RNF170: variants seen among roughly 807,000 people sequenced by gnomAD.
The protein encoded by RNF170 is E3 ubiquitin-protein ligase RNF170.
Under a neutral mutation model 32.7 loss-of-function variants are expected in RNF170, and 12 were observed. The observed-to-expected ratio is 0.37, with a 90% CI of 0.24 to 0.60. RNF170 has a LOEUF of 0.60. Ranked by LOEUF, RNF170 falls within the 20% of genes least tolerant of loss-of-function variation. The pLI is 0.72. For synonymous variants in RNF170, 91 were observed against 103.6 expected (o/e 0.88, Z 0.74); for missense variants, 212 against 311.2 (o/e 0.68, Z 2.40).
At chr8:42,886,995 A>T (rs1422086341) in intron 2 of RNF170, among the ~76,000 whole-genome samples, 1 of 151,938 alleles carries the variant, frequency 6.6e-6, no homozygotes, top group African/African-American at 2.4e-5. Context: ...CTCTACAAAA[A>T]AATACAAAAA....
At chr8:42,888,006 T>G (rs764916212) in intron 1 of RNF170, 135 bp from the exon 2 acceptor site, 1 of 734,176 alleles carries the variant, frequency 1.4e-6, no homozygotes, top group Non-Finnish European at 2.3e-6. Context: ...ACAACTCCAG[T>G]GGGGACTGAT....
chr8:42,870,003 CCA>C lies in RNF170; in HGVS notation c.321_322del (p.Cys107TrpfsTer23), dbSNP rs1459190313. On this transcript the variant is annotated frameshift_variant and splice_region_variant, in exon 4 of 7. Transcript: ENST00000527424. LOFTEE classifies it high-confidence loss of function. ...TCCCAAGTATAGCGTTGTTTGCTTA[CCA>C]CAAAAAAGATGTCCACAGTTGGTCT... is the stretch of plus-strand genomic sequence containing the variant. The C allele has an allele frequency of 6.2e-7, 1 of 1,609,578 alleles. No individual in the cohort carries two copies. The highest frequency in any genetic ancestry group is 8.5e-7 in the Non-Finnish European group (1 of 1,175,912).
chr8:42,883,000 T>C (rs979546381), intron 2 of RNF170, among the ~76,000 whole-genome samples: 8 of 151,766 alleles, frequency 5.3e-5, no homozygotes, highest in African/African-American at 1.7e-4. Context: ...GGGGCGAAGG[T>C]TGCAGTGAGA....
intron 5 of RNF170, among the ~76,000 whole-genome samples, chr8:42,862,905 C>T (rs74921705): frequency 0.031 from 4,754 of 152,238 alleles, 106 homozygotes; most frequent in Non-Finnish European, 0.049. Context: ...AAGACCTGGC[C>T]GACAGCCTTA....
downstream of RNF170, among the ~76,000 whole-genome samples, chr8:42,852,474 A>C (rs563902331): frequency 6.6e-6 from 1 of 151,674 alleles, no homozygotes; most frequent in Non-Finnish European, 1.5e-5. Flanking sequence ...CTGGAGTGCA[A>C]TGGCATGATC....
chr8:42,893,437 G>C (rs369500557), intron 1 of RNF170, among the ~76,000 whole-genome samples: 2 of 152,178 alleles, frequency 1.3e-5, no homozygotes, highest in East Asian at 3.8e-4. Flanking sequence ...TCTTCAGACA[G>C]CAAACAAGCA....
chr8:42,863,667 CTT>C (rs892442418), intron 5 of RNF170, among the ~76,000 whole-genome samples: 3 of 152,198 alleles, frequency 2.0e-5, no homozygotes, highest in Non-Finnish European at 4.4e-5. Context: ...GTCTTGATCT[CTT>C]GACCTTGTGA....
intron 2 of RNF170, among the ~76,000 whole-genome samples, chr8:42,877,087 C>A (rs562911269): frequency 1.5e-4 from 22 of 149,188 alleles, no homozygotes; most frequent in African/African-American, 5.4e-4. Context: ...CCGAGTAGCC[C>A]GGCTAATTTT....
intron 1 of RNF170, among the ~76,000 whole-genome samples, chr8:42,895,089 C>T (rs1275258688): frequency 2.0e-5 from 3 of 151,858 alleles, no homozygotes; most frequent in African/African-American, 7.2e-5. Context: ...CTAAGGCGGG[C>T]GGATCACTTG....
rs368307949 is a variant in RNF170, at chr8:42,887,693, C to T, written c.137+35G>A. On this transcript the variant is annotated intron_variant, in intron 2 of 6. Transcript: ENST00000527424. ...GGGGTCAAAAAGTCAGCAGCCCTTG[C>T]AAATCTACTCAATTCTTTTGTCCTT... 1.9e-6 allele frequency: 3 copies of T among 1,610,492 alleles called. No homozygotes were observed. The African/African-American group carries it at 4.0e-5, about 22-fold the overall frequency.
At chr8:42,863,975 G>GAGA (rs1363106435) in intron 5 of RNF170, among the ~76,000 whole-genome samples, 1 of 113,386 alleles carries the variant, frequency 8.8e-6, no homozygotes, top group Non-Finnish European at 1.9e-5. Context: ...GAGAGAGAGA[G>GAGA]AGAGAGTGTG....
At position 42,896,346 on chromosome 8, in the gene RNF170, C is replaced by T. The variant is rs1464707926; in HGVS notation, c.-8+138G>A. ...TGGGGCTTCCAGACGAGGGAGGGGC[C>T]CGGGGGGAAGGAGGCGGCGACTCCC... On this transcript the variant is annotated intron_variant, in intron 1 of 6. Transcript: ENST00000527424. 3 of 412,830 alleles carry T rather than the reference C, an allele frequency of 7.3e-6. No individual in the cohort carries two copies. In the Admixed American group the frequency reaches 8.2e-5, roughly 11 times the overall value. The allele number at this position is 412,830 out of a possible 1,614,324, so 25.6% of individuals were successfully genotyped here. A position where few individuals can be genotyped will look rare whatever the true frequency, so the allele number is the denominator to read the frequency against.
At chr8:42,853,288 A>T (rs1394576033), downstream of RNF170, 1 of 1,137,598 alleles carries the variant, frequency 8.8e-7, no homozygotes, top group African/African-American at 1.6e-5. Flanking sequence ...ACAGAAAAAT[A>T]ACACCTTTAA....
intron 1 of RNF170, chr8:42,889,320 AG>A (rs948846319): frequency 6.6e-6 from 1 of 152,198 alleles, no homozygotes; most frequent in African/African-American, 2.4e-5. Flanking sequence ...TATAGGTATG[AG>A]GGGAGATAGC....
intron 2 of RNF170, among the ~76,000 whole-genome samples, chr8:42,879,316 A>C (rs1191771834): frequency 2.0e-5 from 3 of 152,186 alleles, no homozygotes; most frequent in African/African-American, 7.2e-5. Flanking sequence ...GAATCAATTG[A>C]AACCTTCTGG....
At chr8:42,883,132 T>C (rs1255715199) in intron 2 of RNF170, among the ~76,000 whole-genome samples, 1 of 151,538 alleles carries the variant, frequency 6.6e-6, no homozygotes, top group Non-Finnish European at 1.5e-5. Flanking sequence ...ATGGAAATAA[T>C]AGACATCAGG....
intron 6 of RNF170, among the ~76,000 whole-genome samples, chr8:42,859,149 A>G (rs1432368433): frequency 1.3e-5 from 2 of 151,880 alleles, no homozygotes; most frequent in Non-Finnish European, 2.9e-5. Context: ...GCACCACCGC[A>G]CTCGAGCCTG....
At chr8:42,890,045 TAA>T (rs1426780011) in intron 1 of RNF170, among the ~76,000 whole-genome samples, 4 of 152,150 alleles carry the variant, frequency 2.6e-5, no homozygotes, top group African/African-American at 9.7e-5. Context: ...CTTTGTAAGT[TAA>T]GTCTATCAAC....
intron 2 of RNF170, among the ~76,000 whole-genome samples, chr8:42,885,955 G>C (rs1267763946): frequency 1.3e-5 from 2 of 152,084 alleles, no homozygotes; most frequent in Non-Finnish European, 2.9e-5. Flanking sequence ...AGGCACGGTG[G>C]CTCACGCCTG....
Sources: gnomAD v4.1 joint callset for allele counts (sites outside exome capture counted in the v4.1 genomes callset) on GRCh38, gnomAD v4.1.1 for gene constraint, MANE v1.5 for transcripts, NCBI Gene and HGNC (gene_info 2026-07-23, HGNC 2026-07-21) for gene names.